The following ESRRA variants were observed in gnomAD, a reference collection of about 807,000 sequenced individuals.
The protein encoded by ESRRA is estrogen related receptor alpha, also known as steroid hormone receptor ERR1.
Under a neutral mutation model 35.6 loss-of-function variants are expected in ESRRA, and 7 were observed. The observed-to-expected ratio is 0.20, with a 90% confidence interval of 0.11 to 0.37. The LOEUF (loss-of-function observed/expected upper bound fraction) is 0.37. Ranked by LOEUF, ESRRA falls within the 10% of genes least tolerant of loss-of-function variation. The pLI, the probability that ESRRA is intolerant of heterozygous loss-of-function variation, is 1.00. For missense variants in ESRRA, 378 were observed against 561.7 expected, an observed-to-expected ratio of 0.67 and a Z score of 3.31; for synonymous variants, 223 against 246.9, an observed-to-expected ratio of 0.90 and a Z score of 0.91.
chr11:64,314,992 G>A lies in ESRRA; in HGVS notation c.743-9G>A. On this transcript the variant is annotated splice_polypyrimidine_tract_variant and intron_variant, in intron 5 of 6. Coordinates refer to ENST00000000442, the MANE Select transcript of ESRRA (RefSeq NM_004451.5). ...TGCTCAGCCAGGCCCGCTCCCCGCT[G>A]CCCCCTAGGCTTCTCATCGCTGTCG... is the stretch of plus-strand genomic sequence containing the variant. The A allele has an allele frequency of 6.3e-7, 1 of 1,586,328 alleles. No homozygotes were observed. Among genetic ancestry groups the A allele is most frequent in the Non-Finnish European group, 8.6e-7 (1 of 1,165,562 alleles).
At chr11:64,307,602 C>A in intron 2 of ESRRA, 98 bp downstream of exon 2, 1 of 920,738 alleles carries the variant, frequency 1.1e-6, no homozygotes, top group Non-Finnish European at 1.5e-6. Context: ...CCGCTTGAGG[C>A]TAACAATCTG....
intron 3 of ESRRA, 79 bp downstream of exon 3, chr11:64,314,146 T>C (rs1046466440): frequency 1.9e-6 from 3 of 1,554,686 alleles, no homozygotes; most frequent in African/African-American, 2.7e-5. Context: ...CTGGGAGTTC[T>C]GGTGAGTGGA....
Position 64,316,037 on chromosome 11 carries a change from C to A in ESRRA, c.*71C>A. 5.3e-6 allele frequency: 8 copies of A among 1,499,924 alleles called. No individual in the cohort carries two copies. The highest frequency in any genetic ancestry group is 7.2e-6 in the Non-Finnish European group (8 of 1,117,182). 92.9% of individuals were successfully genotyped at this position (1,499,924 alleles called of 1,614,324 possible). On this transcript the variant is annotated 3_prime_UTR_variant, in exon 7 of 7. Coordinates refer to ENST00000000442, the MANE Select transcript of ESRRA (RefSeq NM_004451.5). ...ATGGGGTCAGCCCCAAGGGCTGGGG[C>A]GGAGCTGGGGTCTGGGCAGTGCCAC...
chr11:64,315,824 G>A lies in ESRRA; in HGVS notation c.1130G>A (p.Arg377Gln), dbSNP rs777520632. 2 of 1,078,976 alleles carry A rather than the reference G, an allele frequency of 1.9e-6. No individual in the cohort carries two copies. The highest frequency in any genetic ancestry group is 2.4e-6 in the Non-Finnish European group (2 of 842,256). 66.8% of individuals were successfully genotyped at this position (1,078,976 alleles called of 1,614,324 possible). The change falls in exon 7 of 7, where the codon CGG (arginine) becomes CAG (glutamine). Residue 377 changes from arginine to glutamine, a missense_variant. Arg to Gln is a conservative substitution (Grantham distance 43). Transcript: ENST00000000442. ...CCCGGAGGGGGTGCTGAGCGGCGGC[G>A]GGCGGGCAGGCTGCTGCTCACGCTA... is the stretch of plus-strand genomic sequence containing the variant. ...AGPGGGAERR[R>Q]AGRLLLTLPL...
chr11:64,307,380 G>A lies in ESRRA; in HGVS notation c.201G>A (p.Gly67=), dbSNP rs1345547779. The stretch of plus-strand genomic sequence containing the variant: ...CTGGGCCTGGCGAGCAGGGCGGTGG[G>A]AAGCTGGTGCTCAGCTCCCTGCCCA... ...EGAGPGEQGG[G]KLVLSSLPKR... Residue 67 remains glycine, a synonymous_variant, in exon 2 of 7, where the codon GGG becomes GGA. Transcript: ENST00000000442. 4.2e-5 allele frequency: 68 copies of A among 1,603,500 alleles called. No homozygotes were observed. Among genetic ancestry groups the A allele is most frequent in the Non-Finnish European group, 5.7e-5 (67 of 1,173,468 alleles).
In ESRRA at chr11:64,316,286, G is replaced by T; in HGVS notation, c.*320G>T. On this transcript the variant is annotated 3_prime_UTR_variant, in exon 7 of 7. Coordinates refer to ENST00000000442, the MANE Select transcript of ESRRA (RefSeq NM_004451.5). The stretch of plus-strand genomic sequence containing the variant: ...GGGAGGCAGAAACCTATCTCAGGGA[G>T]GGAAGGGGATGGAGGCCAGAGTCTC... The T allele has an allele frequency of 3.4e-6, 1 of 296,562 alleles. No individual in the cohort carries two copies. Among genetic ancestry groups the T allele is most frequent in the South Asian group, 6.8e-5 (1 of 14,810 alleles). The allele number at this position is 296,562 out of a possible 1,614,324, so 18.4% of individuals were successfully genotyped here.
intron 4 of ESRRA, 21 bp from the exon 5 acceptor site, chr11:64,314,720 C>T (rs1189030945): frequency 6.2e-7 from 1 of 1,604,886 alleles, no homozygotes; most frequent in Non-Finnish European, 8.5e-7. Flanking sequence ...GCTCCTGACT[C>T]TTGTCCTCTA....
intron 5 of ESRRA, 34 bp from the exon 6 acceptor site, chr11:64,314,967 T>C: frequency 6.3e-7 from 1 of 1,593,234 alleles, no homozygotes; most frequent in Non-Finnish European, 8.5e-7. Context: ...CTGGTGCGCT[T>C]GCTCAGCCAG....
Position 64,314,086 on chromosome 11 carries a change from C to G in ESRRA, c.442+19C>G. The G allele has an allele frequency of 6.4e-7, 1 of 1,573,388 alleles. No homozygotes were observed. The highest frequency in any genetic ancestry group is 1.1e-5 in the South Asian group (1 of 87,054). On this transcript the variant is annotated intron_variant, in intron 3 of 6. Transcript: ENST00000000442. The stretch of plus-strand genomic sequence containing the variant: ...AAGGAGGGTGAGCGCTGGGCAGGGG[C>G]TGGGCGAGGGCTGGGGGAGTCGGGG...
rs1185768710 is a variant in ESRRA, at chr11:64,310,536, GT to G, written c.325+3058del. Among the ~76,000 whole-genome samples, 962 of 100,478 alleles carry G rather than the reference GT, an allele frequency of 9.6e-3. 1 individual carries two copies. The highest frequency in any genetic ancestry group is 0.014 in the Non-Finnish European group (758 of 52,572). 65.9% of individuals were successfully genotyped at this position (100,478 alleles called of 152,430 possible). ...GGCGTGAGCCACTGCTCCTGGCCAG[GT>G]TTTTTTTTTTTTTTTTTTTTTTTTT... On this transcript the variant is annotated intron_variant, in intron 2 of 6. Coordinates refer to ENST00000000442, the MANE Select transcript of ESRRA (RefSeq NM_004451.5).
At chr11:64,310,391 C>T (rs1231602361) in intron 2 of ESRRA, among the ~76,000 whole-genome samples, 3 of 151,492 alleles carry the variant, frequency 2.0e-5, no homozygotes, top group Non-Finnish European at 2.9e-5. Flanking sequence ...CCCGCCACCA[C>T]GCCTGGCTAA....
chr11:64,312,491 C>T (rs2035161006), intron 2 of ESRRA, among the ~76,000 whole-genome samples: 1 of 152,140 alleles, frequency 6.6e-6, no homozygotes. Flanking sequence ...GGAGAAAATG[C>T]ACCGCGAGGA....
rs187573566 is a variant in ESRRA, at chr11:64,308,206, C to G, written c.325+702C>G. Among the ~76,000 whole-genome samples, 61 of 152,174 alleles carry G rather than the reference C, an allele frequency of 4.0e-4. No homozygotes were observed. In the East Asian group the frequency reaches 7.5e-3, roughly 19 times the overall value. ...AGAGGGGCTACATCATAGTTTAGCACCCAACTTTAAAAAGACTAACAGGCA... is the reference window on the plus strand; with the variant it reads ...AGAGGGGCTACATCATAGTTTAGCAGCCAACTTTAAAAAGACTAACAGGCA... On this transcript the variant is annotated intron_variant, in intron 2 of 6. Coordinates refer to ENST00000000442, the MANE Select transcript of ESRRA (RefSeq NM_004451.5).
At chr11:64,314,659 G>A in intron 4 of ESRRA, 82 bp from the exon 5 acceptor site, 1 of 1,401,070 alleles carries the variant, frequency 7.1e-7, no homozygotes, top group South Asian at 1.3e-5. Context: ...AGGCCACAGG[G>A]GGAGCCACTG....
At chr11:64,306,833 G>C (rs1385008039) in intron 1 of ESRRA, 4 of 228,398 alleles carry the variant, frequency 1.8e-5, no homozygotes, top group Non-Finnish European at 3.4e-5. Flanking sequence ...CCTGCTCCTG[G>C]CTAGGGATTC....
chr11:64,310,727 T>C (rs961525231), intron 2 of ESRRA, among the ~76,000 whole-genome samples: 12 of 151,890 alleles, frequency 7.9e-5, no homozygotes, highest in Non-Finnish European at 1.0e-4. Context: ...TTTGTGTTTT[T>C]AGTAGGGATG....
chr11:64,308,762 G>A (rs1272899565), intron 2 of ESRRA, among the ~76,000 whole-genome samples: 1 of 148,164 alleles, frequency 6.7e-6, no homozygotes, highest in East Asian at 2.0e-4. Context: ...GTTGCAGTGA[G>A]CCAAGATCAC....
At position 64,314,248 on chromosome 11, in the gene ESRRA, T is replaced by C; in HGVS notation, c.452T>C (p.Leu151Pro). ...RVGMLKEGVRLDRVRGGRQKY... is the reference protein window; with the variant it reads ...RVGMLKEGVRPDRVRGGRQKY... ...TGTCCCACAATTCAAGGAGTGCGCC[T>C]GGACCGCGTCCGGGGTGGGCGGCAG... is the stretch of plus-strand genomic sequence containing the variant. Residue 151 changes from leucine to proline, a missense_variant, in exon 4 of 7, where the codon CTG becomes CCG. Leu to Pro is a moderately conservative substitution (Grantham distance 98). This residue lies in a region of ESRRA where 284 missense variants were observed against 411.7 expected (regional missense o/e 0.69). Coordinates refer to ENST00000000442, the MANE Select transcript of ESRRA (RefSeq NM_004451.5). 1 of 1,610,958 alleles carries C rather than the reference T, an allele frequency of 6.2e-7. No homozygotes were observed. Among genetic ancestry groups the C allele is most frequent in the Non-Finnish European group, 8.5e-7 (1 of 1,179,362 alleles).
rs41294398 is a variant in ESRRA at position 64,311,150 on chromosome 11, T to G, written c.326-2801T>G. Among the ~76,000 whole-genome samples, 29 of 152,064 alleles carry G rather than the reference T, an allele frequency of 1.9e-4. No homozygotes were observed. The East Asian group carries it at 5.4e-3, about 28-fold the overall frequency. ...GCTGGGAAACTGAGGGTTCAAGGGG[T>G]TAGGTATGGGACTTGCCCAAGGTCA... On this transcript the variant is annotated intron_variant, in intron 2 of 6. Transcript: ENST00000000442.
Sources: allele counts gnomAD v4.1 joint callset (sites outside exome capture counted in the v4.1 genomes callset), GRCh38; gene constraint gnomAD v4.1.1; regional missense constraint gnomAD v4.1.1; transcripts MANE v1.5; gene names NCBI Gene and HGNC (gene_info 2026-07-23, HGNC 2026-07-21).